MBNL2: variants seen among roughly 807,000 people sequenced by gnomAD.
MBNL2 encodes the protein muscleblind like splicing regulator 2.
Under a neutral mutation model 41.9 loss-of-function variants are expected in MBNL2, and 17 were observed. The observed-to-expected ratio is 0.41, with a 90% CI of 0.28 to 0.61. MBNL2 has a LOEUF of 0.61. MBNL2 is among the 20% of genes least tolerant of loss of function. The probability of loss-of-function intolerance (pLI) is 0.35; values close to 1 mark genes in which losing one functional copy is unlikely to be tolerated. For synonymous variants in MBNL2, 195 were observed against 182.9 expected (o/e 1.07, Z -0.53); for missense variants, 336 against 505.6 (o/e 0.66, Z 3.22).
At chr13:97,183,508 CT>C in the MBNL2 span, among the ~76,000 whole-genome samples, 2 of 152,212 alleles carry the variant, frequency 1.3e-5, no homozygotes, top group African/African-American at 4.8e-5. Flanking sequence ...CCTCTCCAAA[CT>C]GTCATCATAT....
At chr13:97,388,954 C>G (rs1430490107) in intron 8 of MBNL2, among the ~76,000 whole-genome samples, 1 of 152,178 alleles carries the variant, frequency 6.6e-6, no homozygotes, top group African/African-American at 2.4e-5. Flanking sequence ...GAGTGTGATT[C>G]GTTTTTTATA....
At chr13:97,241,808 G>A (rs887810613) in intron 1 of MBNL2, among the ~76,000 whole-genome samples, 1 of 152,162 alleles carries the variant, frequency 6.6e-6, no homozygotes, top group Non-Finnish European at 1.5e-5. Flanking sequence ...GGAGGGAGGG[G>A]CCATCAGAGT....
upstream of MBNL2, among the ~76,000 whole-genome samples, chr13:97,216,533 T>C (rs780488079): frequency 2.6e-5 from 4 of 152,184 alleles, no homozygotes; most frequent in African/African-American, 4.8e-5. Flanking sequence ...CTTACCTTTC[T>C]GTCTCATCTC....
intron 2 of MBNL2, among the ~76,000 whole-genome samples, chr13:97,324,339 C>A (rs770191885): frequency 6.6e-6 from 1 of 152,130 alleles, no homozygotes; most frequent in Non-Finnish European, 1.5e-5. Flanking sequence ...ATAACATGCA[C>A]CCGTCGTATG....
the MBNL2 span, among the ~76,000 whole-genome samples, chr13:97,156,508 C>G: frequency 5.2e-5 from 7 of 134,354 alleles, no homozygotes; most frequent in African/African-American, 1.7e-4. Flanking sequence ...AGGTTTTCTT[C>G]TAGGGTTTTT....
chr13:97,322,721 C>T (rs1020372086), intron 2 of MBNL2, among the ~76,000 whole-genome samples: 3 of 152,162 alleles, frequency 2.0e-5, no homozygotes, highest in Non-Finnish European at 4.4e-5. Context: ...CAGCCCACCC[C>T]TTCCCTATTC....
chr13:97,351,531 G>A (rs1314372066), intron 5 of MBNL2, among the ~76,000 whole-genome samples: 2 of 152,206 alleles, frequency 1.3e-5, no homozygotes, highest in African/African-American at 4.8e-5. Flanking sequence ...CTTCATCAGT[G>A]ATCTTAGCTA....
chr13:97,170,530 G>A, the MBNL2 span, among the ~76,000 whole-genome samples: 8 of 152,226 alleles, frequency 5.3e-5, no homozygotes, highest in East Asian at 1.5e-3. Flanking sequence ...TTTTACAAAG[G>A]AAGTTTGGGG....
chr13:97,299,648 A>ATATCTATC (rs59785563), intron 2 of MBNL2, among the ~76,000 whole-genome samples: 36,213 of 149,206 alleles, frequency 0.24, 4,686 homozygotes, highest in Non-Finnish European at 0.29. Flanking sequence ...TAGAATTACT[A>ATATCTATC]TATCTATCTA....
chr13:97,141,868 T>C, the MBNL2 span, among the ~76,000 whole-genome samples: 1 of 152,120 alleles, frequency 6.6e-6, no homozygotes, highest in Non-Finnish European at 1.5e-5. Flanking sequence ...GCGCAGAGAA[T>C]GGAGAGCTGT....
intron 2 of MBNL2, among the ~76,000 whole-genome samples, chr13:97,324,248 T>C (rs1047660583): frequency 6.6e-6 from 1 of 152,154 alleles, no homozygotes; most frequent in African/African-American, 2.4e-5. Context: ...TCTATTTTAA[T>C]TGTCATTTTA....
chr13:97,296,775 A>G (rs1337608904), intron 2 of MBNL2, among the ~76,000 whole-genome samples: 1 of 152,210 alleles, frequency 6.6e-6, no homozygotes, highest in Non-Finnish European at 1.5e-5. Context: ...GACCAACAGA[A>G]GATTTCTAGA....
chr13:97,274,515 C>CA (rs879733225), intron 1 of MBNL2, among the ~76,000 whole-genome samples: 1,902 of 140,358 alleles, frequency 0.014, 27 homozygotes, highest in African/African-American at 0.042. Context: ...GACTCCATTT[C>CA]AAAAAAAAAA....
chr13:97,363,418 CTGTGTGTGTGT>C (rs2063580563), intron 7 of MBNL2, among the ~76,000 whole-genome samples: 1 of 136,646 alleles, frequency 7.3e-6, no homozygotes, highest in Admixed American at 7.3e-5. Context: ...GAAAGAAAAA[CTGTGTGTGTGT>C]GTGTGTGTGT....
At chr13:97,281,828 A>C (rs2053493359) in intron 2 of MBNL2, among the ~76,000 whole-genome samples, 1 of 152,214 alleles carries the variant, frequency 6.6e-6, no homozygotes. Context: ...TCACCCTTAT[A>C]GATGTGGATA....
the MBNL2 span, among the ~76,000 whole-genome samples, chr13:97,157,340 A>C: frequency 6.7e-6 from 1 of 149,338 alleles, no homozygotes; most frequent in Non-Finnish European, 1.5e-5. Context: ...TCATCTGCAA[A>C]CAGGGACAAA....
intron 1 of MBNL2, among the ~76,000 whole-genome samples, chr13:97,256,506 C>T (rs992439449): frequency 3.9e-5 from 6 of 152,096 alleles, no homozygotes; most frequent in Non-Finnish European, 5.9e-5. Context: ...ATGAGTCATT[C>T]GTACTGGAAA....
chr13:97,181,123 C>T, the MBNL2 span, among the ~76,000 whole-genome samples: 2 of 151,918 alleles, frequency 1.3e-5, no homozygotes, highest in East Asian at 3.9e-4. Flanking sequence ...CTTCTGCTTC[C>T]ATTGTCACAT....
chr13:97,391,422 A>G lies in MBNL2; in HGVS notation c.1149A>G (p.Ser383=), dbSNP rs1197675648. The G allele has an allele frequency of 1.3e-6, 2 of 1,487,904 alleles. No individual in the cohort carries two copies. The highest frequency in any genetic ancestry group is 1.9e-6 in the Non-Finnish European group (2 of 1,065,416). 92.2% of individuals were successfully genotyped at this position (1,487,904 alleles called of 1,614,324 possible). A position where few individuals can be genotyped will look rare whatever the true frequency, so the allele number is the denominator to read the frequency against. ...GTACATACTATCCTGTTTCCTCCTC[A>G]ATAGAATTGCCACAAACTGCATGCT... ...CYCTYYPVSS[S]IELPQTAC The change falls in exon 9 of 9, where the codon TCA becomes TCG. Residue 383 remains serine, a synonymous_variant. Transcript: ENST00000679496.
Sources: allele counts gnomAD v4.1 joint callset (sites outside exome capture counted in the v4.1 genomes callset), GRCh38; gene constraint gnomAD v4.1.1; transcripts MANE v1.5; gene names NCBI Gene and HGNC (gene_info 2026-07-23, HGNC 2026-07-21).